SHISA9: variants seen among roughly 807,000 people sequenced by gnomAD.
SHISA9 encodes protein shisa-9.
SHISA9 carries 13 observed loss-of-function variants against 38.0 expected under a neutral mutation model. The observed-to-expected ratio is 0.34, with a 90% confidence interval of 0.22 to 0.54. The LOEUF (loss-of-function observed/expected upper bound fraction) is 0.54. Ranked by LOEUF, SHISA9 falls within the 20% of genes least tolerant of loss-of-function variation. SHISA9 has a pLI of 0.91. For synonymous variants in SHISA9, 275 were observed against 242.0 expected, an observed-to-expected ratio of 1.14 and a Z score of -1.27; for missense variants, 538 against 575.8, an observed-to-expected ratio of 0.93 and a Z score of 0.67.
At chr16:13,066,751 G>T (rs949689442) in intron 2 of SHISA9, among the ~76,000 whole-genome samples, 2 of 152,200 alleles carry the variant, frequency 1.3e-5, no homozygotes, top group African/African-American at 4.8e-5. Flanking sequence ...TATAACAATT[G>T]TCAGTCCTGT....
the SHISA9 span, among the ~76,000 whole-genome samples, chr16:13,374,786 T>C: frequency 6.6e-6 from 1 of 152,206 alleles, no homozygotes; most frequent in South Asian, 2.1e-4. Flanking sequence ...CCACCAACAG[T>C]GTAGAAGTGT....
At chr16:13,184,573 A>AG (rs2050804657) in intron 2 of SHISA9, among the ~76,000 whole-genome samples, 1 of 152,244 alleles carries the variant, frequency 6.6e-6, no homozygotes, top group Non-Finnish European at 1.5e-5. Flanking sequence ...CAATCAAGAC[A>AG]CAAAGTAGTT....
chr16:13,245,233 T>C (rs969458628), downstream of SHISA9, among the ~76,000 whole-genome samples: 1 of 152,158 alleles, frequency 6.6e-6, no homozygotes, highest in East Asian at 1.9e-4. Flanking sequence ...CCCACATTTA[T>C]AATTGAGGGA....
chr16:13,107,907 G>A (rs4780508), intron 2 of SHISA9, among the ~76,000 whole-genome samples: 7,689 of 152,212 alleles, frequency 0.051, 334 homozygotes, highest in Admixed American at 0.14. Flanking sequence ...CTAGTCTGGT[G>A]TAGCAAAAGC....
At chr16:13,284,818 T>C in the SHISA9 span, among the ~76,000 whole-genome samples, 1 of 152,136 alleles carries the variant, frequency 6.6e-6, no homozygotes, top group Non-Finnish European at 1.5e-5. Flanking sequence ...ATGCTGGACT[T>C]GAATTCATGG....
At chr16:13,116,990 A>G (rs1345522679) in intron 2 of SHISA9, among the ~76,000 whole-genome samples, 1 of 152,072 alleles carries the variant, frequency 6.6e-6, no homozygotes, top group Non-Finnish European at 1.5e-5. Context: ...TTATTTTTTG[A>G]GACAGAGTCT....
At chr16:13,391,830 T>C in the SHISA9 span, among the ~76,000 whole-genome samples, 1 of 152,214 alleles carries the variant, frequency 6.6e-6, no homozygotes, top group South Asian at 2.1e-4. Context: ...TGACTGTACC[T>C]GTTGGGTAAT....
chr16:13,290,218 T>C, the SHISA9 span, among the ~76,000 whole-genome samples: 1 of 152,292 alleles, frequency 6.6e-6, no homozygotes, highest in African/African-American at 2.4e-5. Flanking sequence ...TGAATTTTTG[T>C]TTAACACTAT....
chr16:13,107,114 G>T (rs1014246840), intron 2 of SHISA9, among the ~76,000 whole-genome samples: 4 of 152,016 alleles, frequency 2.6e-5, no homozygotes, highest in Non-Finnish European at 5.9e-5. Context: ...GTGAGGGAAT[G>T]AACAAAATAA....
chr16:13,531,822 G>T, the SHISA9 span, among the ~76,000 whole-genome samples: 23 of 152,132 alleles, frequency 1.5e-4, no homozygotes. Context: ...TAAGGATTTA[G>T]AACAATTCAT....
chr16:13,505,896 T>C, the SHISA9 span, among the ~76,000 whole-genome samples: 2 of 152,172 alleles, frequency 1.3e-5, no homozygotes, highest in Admixed American at 6.5e-5. Context: ...AGGCATTCGA[T>C]TGTTGTTGTT....
chr16:13,246,289 A>T, the SHISA9 span: 1 of 152,166 alleles, frequency 6.6e-6, no homozygotes. Flanking sequence ...TATAAGAGGA[A>T]ACCCCTTTTG....
At chr16:13,123,822 T>TG in intron 2 of SHISA9, among the ~76,000 whole-genome samples, 1 of 152,350 alleles carries the variant, frequency 6.6e-6, no homozygotes, top group Non-Finnish European at 1.5e-5. Context: ...TTTCAAATCC[T>TG]GGCTCCATCA....
chr16:13,240,370 A>G lies in SHISA9; in HGVS notation c.*4961A>G, dbSNP rs2051425217. The G allele has an allele frequency of 6.6e-6, 1 of 152,214 alleles. No individual in the cohort carries two copies. Among genetic ancestry groups the G allele is most frequent in the South Asian group, 2.1e-4 (1 of 4,826 alleles). The allele number at this position is 152,214 out of a possible 1,614,324, so 9.4% of individuals were successfully genotyped here. A position where few individuals can be genotyped will look rare whatever the true frequency, so the allele number is the denominator to read the frequency against. On this transcript the variant is annotated 3_prime_UTR_variant, in exon 5 of 5. Transcript: ENST00000558583. ...TTATTTGTAAACATATGTATTCACT[A>G]TATTAATATGAATTTCTTACCTGGC... is the stretch of plus-strand genomic sequence containing the variant.
At chr16:13,288,789 T>G in the SHISA9 span, among the ~76,000 whole-genome samples, 1 of 151,964 alleles carries the variant, frequency 6.6e-6, no homozygotes, top group South Asian at 2.1e-4. Context: ...GACTCTGTCT[T>G]AAAACAAAAA....
At chr16:13,463,100 G>A in the SHISA9 span, among the ~76,000 whole-genome samples, 4 of 152,216 alleles carry the variant, frequency 2.6e-5, no homozygotes, top group African/African-American at 7.2e-5. Flanking sequence ...AGGTTGCAGT[G>A]AGCTGTGATA....
intron 2 of SHISA9, among the ~76,000 whole-genome samples, chr16:13,071,102 G>A (rs749410696): frequency 6.6e-6 from 1 of 151,920 alleles, no homozygotes; most frequent in East Asian, 1.9e-4. Context: ...GAAATGGATG[G>A]TGTGATGTTT....
In SHISA9 at chr16:12,931,647, C is replaced by T. The variant is rs906466833; in HGVS notation, c.691+14832C>T. 2.0e-5 allele frequency among the ~76,000 whole-genome samples: 3 copies of T among 152,162 alleles called. 1 individual carries two copies. Among genetic ancestry groups the T allele is most frequent in the South Asian group, 4.1e-4 (2 of 4,820 alleles). ...TCTCTTTTTATGGCTCTGTAGTATTCCATGGTGTATATGTACCACATTTTC... is the reference window on the plus strand; with the variant it reads ...TCTCTTTTTATGGCTCTGTAGTATTTCATGGTGTATATGTACCACATTTTC... On this transcript the variant is annotated intron_variant, in intron 2 of 4. Transcript: ENST00000558583.
intron 2 of SHISA9, among the ~76,000 whole-genome samples, chr16:13,192,735 C>G (rs1324594002): frequency 2.0e-5 from 3 of 152,004 alleles, no homozygotes; most frequent in African/African-American, 7.2e-5. Flanking sequence ...ATTACCCGGG[C>G]GTGGTGGCAC....
Sources: gnomAD v4.1 joint callset for allele counts (sites outside exome capture counted in the v4.1 genomes callset) on GRCh38, gnomAD v4.1.1 for gene constraint, MANE v1.5 for transcripts, NCBI Gene and HGNC (gene_info 2026-07-23, HGNC 2026-07-21) for gene names.